The following ARHGEF26 variants were observed in gnomAD, a reference collection of about 807,000 sequenced individuals.
ARHGEF26 encodes the protein Rho guanine nucleotide exchange factor (GEF) 26.
In ARHGEF26, 59 loss-of-function variants were observed where a neutral mutation model predicts 89.4. That is an observed-to-expected ratio of 0.66 (90% confidence interval 0.54 to 0.82). The LOEUF (loss-of-function observed/expected upper bound fraction) is 0.82. Ranked by LOEUF, ARHGEF26 falls within the 40% of genes least tolerant of loss-of-function variation. The pLI is 0.00. For missense variants in ARHGEF26, 1,234 were observed against 1,085.6 expected (o/e 1.14, Z -1.92); for synonymous variants, 500 against 428.4 (o/e 1.17, Z -2.06).
Position 154,255,511 on chromosome 3 carries a change from G to A in ARHGEF26, c.*38G>A, listed in dbSNP as rs773642354. 35 of 1,595,760 alleles carry A rather than the reference G, an allele frequency of 2.2e-5. No homozygotes were observed. The highest frequency in any genetic ancestry group is 5.4e-5 in the African/African-American group (4 of 74,318). ...TCTTTTGTTACTGCAAGATTTGCAC[G>A]ACACTTACCGGGCTGGTTGGTTCTG... On this transcript the variant is annotated 3_prime_UTR_variant, in exon 15 of 15. Transcript: ENST00000465093.
Position 154,135,910 on chromosome 3 carries a change from CTG to C in ARHGEF26, c.1269+6193_1269+6194del, listed in dbSNP as rs1453618399. Among the ~76,000 whole-genome samples the C allele has an allele frequency of 3.3e-5, 5 of 152,174 alleles. No individual in the cohort carries two copies. In the East Asian group the frequency reaches 9.6e-4, roughly 29 times the overall value. ...GTACTATGCATGTATGAAGAAATGACTGTTGCAACACCAGTGTTTGTTATGTT... is the reference window on the plus strand; with the variant it reads ...GTACTATGCATGTATGAAGAAATGACTTGCAACACCAGTGTTTGTTATGTT... On this transcript the variant is annotated intron_variant, in intron 4 of 14. Coordinates refer to ENST00000465093, the MANE Select transcript of ARHGEF26 (RefSeq NM_015595.4).
intron 9 of ARHGEF26, among the ~76,000 whole-genome samples, chr3:154,195,853 G>A (rs1714258856): frequency 6.6e-6 from 1 of 152,136 alleles, no homozygotes; most frequent in African/African-American, 2.4e-5. Flanking sequence ...GAGAAGGGCA[G>A]TGAGCCTGAG....
chr3:154,124,371 C>CTTT, intron 2 of ARHGEF26, 39 bp from the exon 3 acceptor site: 3 of 977,554 alleles, frequency 3.1e-6, no homozygotes, highest in South Asian at 1.8e-5. Flanking sequence ...GTTTGCTTTT[C>CTTT]CTTTTTTTTT....
chr3:154,234,432 C>A (rs2108273160), intron 11 of ARHGEF26, among the ~76,000 whole-genome samples: 1 of 152,300 alleles, frequency 6.6e-6, no homozygotes, highest in East Asian at 1.9e-4. Flanking sequence ...CTGTATCCAG[C>A]AGAAAGACCT....
At chr3:154,168,795 C>T (rs369834772) in intron 6 of ARHGEF26, among the ~76,000 whole-genome samples, 26 of 151,878 alleles carry the variant, frequency 1.7e-4, no homozygotes, top group African/African-American at 5.6e-4. Flanking sequence ...TTAAAAACAG[C>T]GTGCTGACTG....
At chr3:154,209,213 C>A (rs1441994234) in intron 9 of ARHGEF26, among the ~76,000 whole-genome samples, 1 of 152,114 alleles carries the variant, frequency 6.6e-6, no homozygotes, top group Non-Finnish European at 1.5e-5. Flanking sequence ...CTATTTTGAA[C>A]TCTTTGCCTG....
At chr3:154,242,517 G>A (rs1717533439) in intron 12 of ARHGEF26, among the ~76,000 whole-genome samples, 1 of 152,206 alleles carries the variant, frequency 6.6e-6, no homozygotes, top group South Asian at 2.1e-4. Context: ...AACAAATGAG[G>A]AGTTGCTTCT....
chr3:154,235,046 A>C (rs1202874951), intron 11 of ARHGEF26, among the ~76,000 whole-genome samples: 1 of 151,936 alleles, frequency 6.6e-6, no homozygotes, highest in Non-Finnish European at 1.5e-5. Flanking sequence ...ATACATCATA[A>C]GGCTAGTTTA....
intron 7 of ARHGEF26, 98 bp from the exon 8 acceptor site, chr3:154,191,191 A>G (rs1265849259): frequency 4.7e-6 from 6 of 1,273,014 alleles, no homozygotes; most frequent in South Asian, 3.0e-5. Context: ...AGTTGATGCT[A>G]TATGGATTTA....
chr3:154,145,909 A>T (rs963052), intron 4 of ARHGEF26, among the ~76,000 whole-genome samples: 100,455 of 152,056 alleles, frequency 0.66, 34,198 homozygotes, highest in Non-Finnish European at 0.75. Flanking sequence ...CACAAAGTTT[A>T]TAGTTCTTTT....
rs1198653042 is a variant in ARHGEF26, at chr3:154,256,563, AAAAAAAAAAAAAC to A, written c.*1091_*1103del. ...TCTAATTAATTAAAAAAAAAAAAAA[AAAAAAAAAAAAAC>A]CTTCCCAAATGAGCTGATAAAAAAC... On this transcript the variant is annotated 3_prime_UTR_variant, in exon 15 of 15. Coordinates refer to ENST00000465093, the MANE Select transcript of ARHGEF26 (RefSeq NM_015595.4). 2.1e-5 allele frequency: 21 copies of A among 997,734 alleles called. No homozygotes were observed. Among genetic ancestry groups the A allele is most frequent in the South Asian group, 1.4e-4 (3 of 20,996 alleles). The allele number at this position is 997,734 out of a possible 1,614,324, so 61.8% of individuals were successfully genotyped here.
intron 6 of ARHGEF26, among the ~76,000 whole-genome samples, chr3:154,186,820 A>G (rs574867238): frequency 4.6e-5 from 7 of 150,982 alleles, no homozygotes; most frequent in Middle Eastern, 3.4e-3. Flanking sequence ...GTATATTATC[A>G]GATTTAAAAT....
chr3:154,225,658 A>T (rs1401614268), intron 10 of ARHGEF26, 198 bp from the exon 11 acceptor site: 1 of 432,876 alleles, frequency 2.3e-6, no homozygotes, highest in East Asian at 3.6e-5. Context: ...ATAGTGGAAG[A>T]TATATTGTTC....
At chr3:154,205,892 T>G (rs1268231934) in intron 9 of ARHGEF26, among the ~76,000 whole-genome samples, 1 of 152,200 alleles carries the variant, frequency 6.6e-6, no homozygotes, top group East Asian at 1.9e-4. Flanking sequence ...AATCATTTAC[T>G]CTTCTACTTA....
intron 9 of ARHGEF26, among the ~76,000 whole-genome samples, chr3:154,211,799 G>C (rs1319215151): frequency 1.3e-5 from 2 of 151,994 alleles, no homozygotes; most frequent in East Asian, 3.9e-4. Flanking sequence ...AGAAAATTAA[G>C]TTGCAGAACA....
At chr3:154,234,517 GGAGT>G (rs1336252830) in intron 11 of ARHGEF26, among the ~76,000 whole-genome samples, 1 of 152,216 alleles carries the variant, frequency 6.6e-6, no homozygotes, top group African/African-American at 2.4e-5. Context: ...CCTGGTTTAA[GGAGT>G]GAGATTGGGA....
intron 11 of ARHGEF26, among the ~76,000 whole-genome samples, chr3:154,239,293 AGAGAGAGTGTGTGTGTGTGTGT>A (rs1559920587): frequency 1.4e-3 from 81 of 59,014 alleles, no homozygotes; most frequent in Non-Finnish European, 2.5e-3. Context: ...AGAGAGAGAG[AGAGAGAGTGTGTGTGTGTGTGT>A]GTGTGTGTGT....
rs1228201661 is a variant in ARHGEF26 at position 154,139,337 on chromosome 3, A to C, written c.1269+9618A>C. On this transcript the variant is annotated intron_variant, in intron 4 of 14. Coordinates refer to ENST00000465093, the MANE Select transcript of ARHGEF26 (RefSeq NM_015595.4). ...TGGTTTTATCAATCTTGTACTTTTA[A>C]ATATATCATATACTCGGATGACTTC... 2.6e-5 allele frequency among the ~76,000 whole-genome samples: 4 copies of C among 152,102 alleles called. No homozygotes were observed. The South Asian group carries it at 6.2e-4, about 24-fold the overall frequency.
rs1718520850 is a variant in ARHGEF26, at chr3:154,256,569, A to AC, written c.*1096_*1097insC. The AC allele has an allele frequency of 1.0e-6, 1 of 1,002,612 alleles. No homozygotes were observed. The highest frequency in any genetic ancestry group is 1.8e-5 in the African/African-American group (1 of 55,974). The allele number at this position is 1,002,612 out of a possible 1,614,324, so 62.1% of individuals were successfully genotyped here. ...TAATTAAAAAAAAAAAAAAAAAAAAAAAAAAACCTTCCCAAATGAGCTGAT... is the reference window on the plus strand; with the variant it reads ...TAATTAAAAAAAAAAAAAAAAAAAAACAAAAAACCTTCCCAAATGAGCTGAT... On this transcript the variant is annotated 3_prime_UTR_variant, in exon 15 of 15. Coordinates refer to ENST00000465093, the MANE Select transcript of ARHGEF26 (RefSeq NM_015595.4).
Sources: gnomAD v4.1 joint callset for allele counts (sites outside exome capture counted in the v4.1 genomes callset) on GRCh38, gnomAD v4.1.1 for gene constraint, MANE v1.5 for transcripts, NCBI Gene and HGNC (gene_info 2026-07-23, HGNC 2026-07-21) for gene names.